The following MAST4 variants were observed in gnomAD, a reference collection of about 807,000 sequenced individuals.
The protein encoded by MAST4 is microtubule-associated serine/threonine-protein kinase 4.
Under a neutral mutation model 162.7 loss-of-function variants are expected in MAST4, and 89 were observed. The observed-to-expected ratio is 0.55, with a 90% CI of 0.46 to 0.65. The LOEUF is 0.65. Among genes scored for constraint, MAST4 ranks in the 30% least tolerant of loss-of-function variants. The probability of loss-of-function intolerance (pLI) is 0.00; values close to 1 mark genes in which losing one functional copy is unlikely to be tolerated. For synonymous variants in MAST4, 1,479 were observed against 1,361.1 expected (o/e 1.09, Z -1.91); for missense variants, 3,153 against 3,374.0 (o/e 0.93, Z 1.62).
intron 1 of MAST4, among the ~76,000 whole-genome samples, chr5:66,740,017 G>A (rs989817248): frequency 6.6e-6 from 1 of 152,200 alleles, no homozygotes; most frequent in Non-Finnish European, 1.5e-5. Flanking sequence ...TCTTGGGAAT[G>A]TTGGGAGGTA....
At chr5:66,604,137 G>T (rs1037341425) in intron 1 of MAST4, among the ~76,000 whole-genome samples, 1 of 152,184 alleles carries the variant, frequency 6.6e-6, no homozygotes. Flanking sequence ...TGTGGTCCTT[G>T]GTACAGACAC....
At chr5:67,137,826 G>A (rs1261709087) in intron 19 of MAST4, among the ~76,000 whole-genome samples, 1 of 152,192 alleles carries the variant, frequency 6.6e-6, no homozygotes, top group Non-Finnish European at 1.5e-5. Flanking sequence ...TACAAGGGCA[G>A]AGTTAGGTAG....
intron 4 of MAST4, among the ~76,000 whole-genome samples, chr5:66,928,779 G>A (rs1407348420): frequency 6.6e-6 from 1 of 152,180 alleles, no homozygotes; most frequent in African/African-American, 2.4e-5. Context: ...TCCATGTTGA[G>A]TGCTTCTGGA....
chr5:66,648,815 G>T (rs1746029857), intron 1 of MAST4, among the ~76,000 whole-genome samples: 1 of 152,014 alleles, frequency 6.6e-6, no homozygotes, highest in African/African-American at 2.4e-5. Context: ...TTATTTGTAG[G>T]GTAGTCATAC....
intron 1 of MAST4, among the ~76,000 whole-genome samples, chr5:66,725,614 G>C (rs904218444): frequency 6.6e-6 from 1 of 152,188 alleles, no homozygotes; most frequent in African/African-American, 2.4e-5. Flanking sequence ...TGGGCTGCCT[G>C]TACTGCAGGT....
chr5:66,708,201 G>A (rs1432572296), intron 1 of MAST4, among the ~76,000 whole-genome samples: 1 of 152,190 alleles, frequency 6.6e-6, no homozygotes, highest in Admixed American at 6.5e-5. Context: ...TGCGGAAAGA[G>A]TGCGGGACTT....
At chr5:66,681,328 C>T (rs772414383) in intron 1 of MAST4, among the ~76,000 whole-genome samples, 4 of 152,176 alleles carry the variant, frequency 2.6e-5, no homozygotes, top group African/African-American at 4.8e-5. Context: ...CCAGATCTCC[C>T]AGTACTACTA....
At chr5:66,844,133 G>A (rs1018953017) in intron 3 of MAST4, among the ~76,000 whole-genome samples, 3 of 144,742 alleles carry the variant, frequency 2.1e-5, no homozygotes, top group African/African-American at 7.8e-5. Flanking sequence ...GCTGGTCCCA[G>A]TCAGCCTGTG....
At chr5:66,925,774 CAT>C (rs1436573307) in intron 4 of MAST4, among the ~76,000 whole-genome samples, 1 of 152,172 alleles carries the variant, frequency 6.6e-6, no homozygotes, top group Non-Finnish European at 1.5e-5. Context: ...ATTTTTAAAT[CAT>C]GTGTCTCCCT....
At chr5:67,132,459 C>G (rs1472004997) in intron 16 of MAST4, among the ~76,000 whole-genome samples, 1 of 151,892 alleles carries the variant, frequency 6.6e-6, no homozygotes, top group Admixed American at 6.6e-5. Context: ...TCATAGAATG[C>G]TGCTAGTTGT....
intron 2 of MAST4, among the ~76,000 whole-genome samples, chr5:66,778,637 CTA>C (rs1249306292): frequency 6.6e-6 from 1 of 152,162 alleles, no homozygotes; most frequent in Non-Finnish European, 1.5e-5. Context: ...TAAAAATAAA[CTA>C]TGTGTTAGCA....
chr5:67,006,041 A>G (rs1321703274), intron 4 of MAST4, among the ~76,000 whole-genome samples: 1 of 152,218 alleles, frequency 6.6e-6, no homozygotes, highest in African/African-American at 2.4e-5. Flanking sequence ...TTATACCTGT[A>G]ACTTTTTGTA....
At chr5:66,718,185 C>G in intron 1 of MAST4, among the ~76,000 whole-genome samples, 1 of 122,106 alleles carries the variant, frequency 8.2e-6, no homozygotes, top group East Asian at 2.5e-4. Context: ...TTTTTTTTTT[C>G]TTTTTTTTTT....
At chr5:66,892,681 G>A (rs933025394) in intron 3 of MAST4, among the ~76,000 whole-genome samples, 2 of 151,760 alleles carry the variant, frequency 1.3e-5, no homozygotes, top group East Asian at 1.9e-4. Flanking sequence ...CTCCCTGCTC[G>A]TGTATTTATT....
chr5:67,053,678 A>G (rs1311246249), intron 4 of MAST4, among the ~76,000 whole-genome samples: 1 of 152,192 alleles, frequency 6.6e-6, no homozygotes, highest in African/African-American at 2.4e-5. Flanking sequence ...CAAATTAGCC[A>G]TTTTATAACT....
At chr5:66,986,616 A>ATATATATTTATT (rs1554077141) in intron 4 of MAST4, 18 of 199,754 alleles carry the variant, frequency 9.0e-5, no homozygotes, top group African/African-American at 4.2e-4. Flanking sequence ...ATATATATAT[A>ATATATATTTATT]TATTTATTTA....
At chr5:67,154,587 G>T (rs150573858) in intron 26 of MAST4, among the ~76,000 whole-genome samples, 15 of 152,284 alleles carry the variant, frequency 9.9e-5, no homozygotes, top group Non-Finnish European at 1.6e-4. Context: ...CATTTCTATT[G>T]TCTTGCCCTC....
At chr5:66,629,488 A>G (rs1014654914) in intron 1 of MAST4, among the ~76,000 whole-genome samples, 1 of 152,178 alleles carries the variant, frequency 6.6e-6, no homozygotes, top group Admixed American at 6.5e-5. Flanking sequence ...AACATTTCAT[A>G]TTTAAGATTT....
chr5:66,810,961 C>T (rs947173038), intron 3 of MAST4, among the ~76,000 whole-genome samples: 7 of 152,208 alleles, frequency 4.6e-5, no homozygotes, highest in African/African-American at 1.4e-4. Context: ...AGAATGACCA[C>T]ATCCTTTCCC....
Sources: gnomAD v4.1 joint callset for allele counts (sites outside exome capture counted in the v4.1 genomes callset) on GRCh38, gnomAD v4.1.1 for gene constraint, MANE v1.5 for transcripts, NCBI Gene and HGNC (gene_info 2026-07-23, HGNC 2026-07-21) for gene names.